UPK1B: variants seen among roughly 807,000 people sequenced by gnomAD.
The protein encoded by UPK1B is uroplakin-1b.
In UPK1B, 28 loss-of-function variants were observed where a neutral mutation model predicts 34.2. The observed-to-expected ratio is 0.82, with a 90% confidence interval of 0.61 to 1.12. The LOEUF (loss-of-function observed/expected upper bound fraction) is 1.12. Ranked by LOEUF, UPK1B falls within the 50% of genes most tolerant of loss-of-function variation. UPK1B has a pLI of 0.00. For synonymous variants in UPK1B, 81 were observed against 110.4 expected (o/e 0.73, Z 1.67); for missense variants, 325 against 320.9 (o/e 1.01, Z -0.10).
intron 4 of UPK1B, 45 bp downstream of exon 4, chr3:119,190,364 T>C (rs1454578418): frequency 4.8e-6 from 7 of 1,467,994 alleles, no homozygotes; most frequent in Non-Finnish European, 6.7e-6. Context: ...TTATCATTAT[T>C]ATAACAACCA....
At chr3:119,188,071 G>C in intron 3 of UPK1B, 96 bp downstream of exon 3, 1 of 1,329,030 alleles carries the variant, frequency 7.5e-7, no homozygotes, top group Non-Finnish European at 1.1e-6. Context: ...CAGTGGGGGA[G>C]CAGGAAGTAC....
rs368225496 is a variant in UPK1B at position 119,194,951 on chromosome 3, G to A, written c.648+553G>A. Among the ~76,000 whole-genome samples, 68 of 152,282 alleles carry A rather than the reference G, an allele frequency of 4.5e-4. 1 individual carries two copies. In the South Asian group the frequency reaches 5.0e-3, roughly 11 times the overall value. On this transcript the variant is annotated intron_variant, in intron 6 of 7. Coordinates refer to ENST00000264234, the MANE Select transcript of UPK1B (RefSeq NM_006952.4). ...AGGCTGATGAGGATAATGTGATTAC[G>A]ATCATGAAAACTAACATTTATTGTG... is the stretch of plus-strand genomic sequence containing the variant.
intron 1 of UPK1B, among the ~76,000 whole-genome samples, chr3:119,176,444 A>G (rs998832723): frequency 1.3e-5 from 2 of 152,232 alleles, no homozygotes; most frequent in Admixed American, 1.3e-4. Flanking sequence ...AAACTGAGTG[A>G]AAGCACAATA....
intron 7 of UPK1B, among the ~76,000 whole-genome samples, chr3:119,202,219 C>T (rs932760137): frequency 6.6e-6 from 1 of 152,170 alleles, no homozygotes; most frequent in Non-Finnish European, 1.5e-5. Context: ...TTCAGTGGGG[C>T]TCTCAAGAAT....
chr3:119,199,225 C>A, intron 7 of UPK1B, 85 bp downstream of exon 7: 1 of 1,438,150 alleles, frequency 7.0e-7, no homozygotes, highest in Non-Finnish European at 9.6e-7. Context: ...CTCAACCACA[C>A]TAGAAAGTCT....
chr3:119,199,086 G>C lies in UPK1B; in HGVS notation c.678G>C (p.Met226Ile). ...QGCYELISGP[M>I]NRHAWGVAWF... ...GCTATGAACTGATCTCTGGTCCAAT[G>C]AACCGACACGCCTGGGGGGTTGCCT... The change falls in exon 7 of 8, where the codon ATG becomes ATC. Residue 226 changes from methionine to isoleucine, a missense_variant. By Grantham distance (10) the Met-to-Ile change is conservative. Transcript: ENST00000264234. 2 of 1,614,170 alleles carry C rather than the reference G, an allele frequency of 1.2e-6. 1 individual carries two copies.
At chr3:119,189,361 C>G (rs751938678) in intron 3 of UPK1B, among the ~76,000 whole-genome samples, 1 of 152,228 alleles carries the variant, frequency 6.6e-6, no homozygotes, top group Non-Finnish European at 1.5e-5. Context: ...GACAGTTTTC[C>G]CTGCCTACCC....
Position 119,190,020 on chromosome 3 carries a change from G to A in UPK1B, c.271-225G>A, listed in dbSNP as rs1022261318. Reference sequence around the variant, plus strand: ...TAGAAACTCAGGAAACTGGACTGAGGAAGGTCTGTATTCAATGGCTATTTG... The same window carrying A: ...TAGAAACTCAGGAAACTGGACTGAGAAAGGTCTGTATTCAATGGCTATTTG... On this transcript the variant is annotated intron_variant, in intron 3 of 7. Coordinates refer to ENST00000264234, the MANE Select transcript of UPK1B (RefSeq NM_006952.4). Among the ~76,000 whole-genome samples, 48 of 152,198 alleles carry A rather than the reference G, an allele frequency of 3.2e-4. 2 individuals carry two copies. The highest frequency in any genetic ancestry group is 1.1e-3 in the African/African-American group (47 of 41,438).
At chr3:119,186,276 C>T (rs79859928) in intron 1 of UPK1B, among the ~76,000 whole-genome samples, 2,234 of 152,298 alleles carry the variant, frequency 0.015, 67 homozygotes, top group African/African-American at 0.051. Context: ...TTTAAAAGCA[C>T]CCTGCAGTCC....
intron 2 of UPK1B, among the ~76,000 whole-genome samples, chr3:119,187,537 G>C (rs1334836069): frequency 6.6e-6 from 1 of 152,164 alleles, no homozygotes; most frequent in East Asian, 1.9e-4. Context: ...CAAGGACATT[G>C]TGGATGGTCT....
At chr3:119,183,954 A>T (rs2107428401) in intron 1 of UPK1B, among the ~76,000 whole-genome samples, 1 of 152,180 alleles carries the variant, frequency 6.6e-6, no homozygotes, top group East Asian at 1.9e-4. Context: ...GAAAAAGGAG[A>T]ACATTTTAGT....
chr3:119,180,429 A>C (rs1244369875), intron 1 of UPK1B, among the ~76,000 whole-genome samples: 1 of 152,216 alleles, frequency 6.6e-6, no homozygotes. Context: ...GATACTGACC[A>C]AACACCATAT....
intron 1 of UPK1B, among the ~76,000 whole-genome samples, chr3:119,186,202 G>A (rs975929042): frequency 5.3e-5 from 8 of 152,080 alleles, no homozygotes; most frequent in African/African-American, 1.2e-4. Context: ...CATATACAAC[G>A]GGGCACTTTT....
rs191853885 is a variant in UPK1B at position 119,187,975 on chromosome 3, G to C, written c.270G>C (p.Ala90=). Residue 90 remains alanine, a splice_region_variant and synonymous_variant, in exon 3 of 8, where the codon GCG becomes GCC. Coordinates refer to ENST00000264234, the MANE Select transcript of UPK1B (RefSeq NM_006952.4). ...AGTCCAGCAGGAAAATTCTTCTGGCGGTAAGACCTCAAAATTCTCTGGAGT... is the reference window on the plus strand; with the variant it reads ...AGTCCAGCAGGAAAATTCTTCTGGCCGTAAGACCTCAAAATTCTCTGGAGT... ...IMKSSRKILL[A]YFILMFIVYA... 1.9e-6 allele frequency: 3 copies of C among 1,614,130 alleles called. No homozygotes were observed. The East Asian group carries it at 6.7e-5, about 36-fold the overall frequency.
intron 7 of UPK1B, 114 bp from the exon 8 acceptor site, chr3:119,203,803 C>CA (rs55795433): frequency 0.28 from 304,423 of 1,081,822 alleles, 44,816 homozygotes; most frequent in Middle Eastern, 0.37. Context: ...AACAAACAAA[C>CA]AAAAAAATCT....
intron 1 of UPK1B, among the ~76,000 whole-genome samples, chr3:119,179,658 T>C (rs898907214): frequency 2.2e-3 from 311 of 141,750 alleles, no homozygotes; most frequent in South Asian, 9.5e-3. Flanking sequence ...TACAGGCGCC[T>C]GCCACCACGC....
chr3:119,177,387 T>C (rs2077961833), intron 1 of UPK1B, among the ~76,000 whole-genome samples: 1 of 152,246 alleles, frequency 6.6e-6, no homozygotes, highest in African/African-American at 2.4e-5. Context: ...CATAGAAGGC[T>C]GGGTTAAGAG....
chr3:119,186,899 T>A, intron 2 of UPK1B, 89 bp downstream of exon 2: 1 of 1,359,622 alleles, frequency 7.4e-7, no homozygotes, highest in Admixed American at 1.9e-5. Context: ...AGGAAAATAA[T>A]GCTGTGATTA....
intron 1 of UPK1B, among the ~76,000 whole-genome samples, chr3:119,176,789 C>T (rs1365249774): frequency 6.6e-6 from 1 of 152,168 alleles, no homozygotes; most frequent in Non-Finnish European, 1.5e-5. Flanking sequence ...GTCAGGGAGG[C>T]ATTGTTTTAG....
Sources: gnomAD v4.1 joint callset for allele counts (sites outside exome capture counted in the v4.1 genomes callset) on GRCh38, gnomAD v4.1.1 for gene constraint, MANE v1.5 for transcripts, NCBI Gene and HGNC (gene_info 2026-07-23, HGNC 2026-07-21) for gene names.